The following FAM81A variants were observed in gnomAD, a reference collection of about 807,000 sequenced individuals.
The protein encoded by FAM81A is family with sequence similarity 81 member A.
Under a neutral mutation model 46.7 loss-of-function variants are expected in FAM81A, and 19 were observed. The ratio of observed to expected loss-of-function variants is 0.41; its 90% CI spans 0.28 to 0.60. The LOEUF (loss-of-function observed/expected upper bound fraction) is 0.60. Ranked by LOEUF, FAM81A falls within the 20% of genes least tolerant of loss-of-function variation. The pLI is 0.34. For missense variants in FAM81A, 377 were observed against 453.5 expected, an observed-to-expected ratio of 0.83 and a Z score of 1.53; for synonymous variants, 183 against 152.9, an observed-to-expected ratio of 1.20 and a Z score of -1.45.
intron 1 of FAM81A, among the ~76,000 whole-genome samples, chr15:59,444,526 G>A (rs1351687563): frequency 1.3e-5 from 2 of 152,120 alleles, no homozygotes; most frequent in Non-Finnish European, 2.9e-5. Context: ...TTCTTCACAC[G>A]CCAAATGAGC....
At chr15:59,425,622 AT>A (rs2081191680) in intron 2 of FAM81A, among the ~76,000 whole-genome samples, 1 of 151,730 alleles carries the variant, frequency 6.6e-6, no homozygotes, top group African/African-American at 2.4e-5. Flanking sequence ...CTATTCTTTT[AT>A]TTGTTTATTT....
intron 3 of FAM81A, among the ~76,000 whole-genome samples, chr15:59,478,206 G>A (rs1337337814): frequency 6.6e-6 from 1 of 152,130 alleles, no homozygotes; most frequent in Non-Finnish European, 1.5e-5. Context: ...TCTGCCACCT[G>A]GCTGGTTAGA....
At chr15:59,502,484 A>ACT (rs1207180357) in intron 4 of FAM81A, among the ~76,000 whole-genome samples, 25 of 80,508 alleles carry the variant, frequency 3.1e-4, no homozygotes, top group Non-Finnish European at 6.2e-4. Context: ...AGTTGACTTC[A>ACT]CTGTGTGTGT....
upstream of FAM81A, among the ~76,000 whole-genome samples, chr15:59,434,473 A>AG (rs1177428608): frequency 2.0e-5 from 3 of 152,216 alleles, no homozygotes; most frequent in African/African-American, 7.2e-5. Context: ...AACACTCCTG[A>AG]GGGTCACCAG....
chr15:59,514,471 G>A, intron 7 of FAM81A, 47 bp downstream of exon 7: 1 of 1,576,300 alleles, frequency 6.3e-7, no homozygotes, highest in Non-Finnish European at 8.6e-7. Context: ...ATTCAGTGGG[G>A]GCCTACACTG....
chr15:59,417,405 C>CAAACA (rs1213510410), intron 2 of FAM81A, among the ~76,000 whole-genome samples: 4 of 150,990 alleles, frequency 2.6e-5, no homozygotes, highest in Admixed American at 6.6e-5. Flanking sequence ...AACAAACAAA[C>CAAACA]AAAAAAACAA....
At chr15:59,404,549 C>G (rs1435814703) in intron 2 of FAM81A, among the ~76,000 whole-genome samples, 1 of 152,200 alleles carries the variant, frequency 6.6e-6, no homozygotes, top group Non-Finnish European at 1.5e-5. Flanking sequence ...TAGCCTCCAA[C>G]TCCTGGGCTC....
At chr15:59,424,235 T>C (rs1250791827) in intron 2 of FAM81A, among the ~76,000 whole-genome samples, 3 of 152,228 alleles carry the variant, frequency 2.0e-5, no homozygotes, top group Non-Finnish European at 4.4e-5. Context: ...TCTTCTTTTG[T>C]CTTCTGTGTT....
intron 2 of FAM81A, among the ~76,000 whole-genome samples, chr15:59,416,712 G>A (rs2081148305): frequency 6.6e-6 from 1 of 152,102 alleles, no homozygotes; most frequent in African/African-American, 2.4e-5. Context: ...CATGTGCCGG[G>A]CACTGTGCCT....
chr15:59,457,565 C>T (rs904378444), intron 1 of FAM81A, among the ~76,000 whole-genome samples: 1 of 152,196 alleles, frequency 6.6e-6, no homozygotes, highest in African/African-American at 2.4e-5. Flanking sequence ...GGGAGGGCTA[C>T]TGTAGTCTAT....
intron 3 of FAM81A, among the ~76,000 whole-genome samples, chr15:59,483,916 G>A (rs943083156): frequency 6.6e-6 from 1 of 152,158 alleles, no homozygotes; most frequent in African/African-American, 2.4e-5. Context: ...TTGTAGGGGC[G>A]GGCTCGTTCC....
At chr15:59,439,809 A>G (rs908154132) in intron 1 of FAM81A, 2 of 152,190 alleles carry the variant, frequency 1.3e-5, no homozygotes, top group African/African-American at 4.8e-5. Context: ...AATGAGCCAC[A>G]CTACATGGTG....
intron 3 of FAM81A, among the ~76,000 whole-genome samples, chr15:59,477,162 A>T (rs191266377): frequency 5.5e-4 from 83 of 152,140 alleles, no homozygotes; most frequent in African/African-American, 1.9e-3. Flanking sequence ...AAAACAAAGA[A>T]CAAAATAACC....
chr15:59,504,204 A>G (rs1320916533), intron 4 of FAM81A, among the ~76,000 whole-genome samples: 4 of 152,214 alleles, frequency 2.6e-5, no homozygotes, highest in African/African-American at 9.6e-5. Flanking sequence ...TTTGCTAAAA[A>G]ATTATGAACT....
intron 2 of FAM81A, among the ~76,000 whole-genome samples, chr15:59,412,183 A>G (rs1337064052): frequency 2.0e-5 from 3 of 151,864 alleles, no homozygotes; most frequent in Non-Finnish European, 4.4e-5. Context: ...TGCTATAGAG[A>G]CAGTCCAGCA....
At position 59,418,138 on chromosome 15, in the gene FAM81A, C is replaced by T. The variant is rs573426786; in HGVS notation, c.-78+15780C>T. Among the ~76,000 whole-genome samples the T allele has an allele frequency of 4.6e-5, 7 of 152,242 alleles. No individual in the cohort carries two copies. The South Asian group carries it at 1.0e-3, about 23-fold the overall frequency. ...AATAGGATTTTTTATCTAACTTTGT[C>T]GGGAAGACAAGCTGACACTTTCTTC... On this transcript the variant is annotated intron_variant, in intron 2 of 4. Transcript: ENST00000558348.
At chr15:59,511,874 C>G (rs2082213030) in intron 6 of FAM81A, among the ~76,000 whole-genome samples, 1 of 152,050 alleles carries the variant, frequency 6.6e-6, no homozygotes, top group Admixed American at 6.5e-5. Context: ...TGGTCTCAAT[C>G]TCCTGACCTC....
intron 1 of FAM81A, among the ~76,000 whole-genome samples, chr15:59,451,547 G>A (rs1234185833): frequency 6.6e-6 from 1 of 152,002 alleles, no homozygotes; most frequent in Non-Finnish European, 1.5e-5. Flanking sequence ...CTGTCTTCTG[G>A]GTTCAAGTGA....
In FAM81A at chr15:59,509,028, A is replaced by G. The variant is rs2082177780; in HGVS notation, c.650+59A>G. 1.3e-5 allele frequency: 17 copies of G among 1,308,640 alleles called. No homozygotes were observed. In the East Asian group the frequency reaches 4.1e-4, roughly 31 times the overall value. 81.1% of individuals were successfully genotyped at this position (1,308,640 alleles called of 1,614,324 possible). A position where few individuals can be genotyped will look rare whatever the true frequency, so the allele number is the denominator to read the frequency against. Reference sequence around the variant, plus strand: ...AAAGTTCTTTATGAGTTTATGCAATACTATGATTTTTTTCCTCTTGGTTTT... The same window carrying G: ...AAAGTTCTTTATGAGTTTATGCAATGCTATGATTTTTTTCCTCTTGGTTTT... On this transcript the variant is annotated intron_variant, in intron 6 of 8. Transcript: ENST00000288228.
Sources: gnomAD v4.1 joint callset for allele counts (sites outside exome capture counted in the v4.1 genomes callset) on GRCh38, gnomAD v4.1.1 for gene constraint, MANE v1.5 for transcripts, NCBI Gene and HGNC (gene_info 2026-07-23, HGNC 2026-07-21) for gene names.